Variants in POU6F2 observed in about 807,000 individuals in gnomAD.
POU6F2 encodes the protein POU domain, class 6, transcription factor 2.
A neutral mutation model predicts 71.3 loss-of-function variants in POU6F2; 31 were observed. The ratio of observed to expected loss-of-function variants is 0.43; its 90% CI spans 0.33 to 0.59. The LOEUF is 0.59. POU6F2 is among the 20% of genes least tolerant of loss of function. The probability of loss-of-function intolerance (pLI) is 0.04; values close to 1 mark genes in which losing one functional copy is unlikely to be tolerated. For missense variants in POU6F2, 783 were observed against 856.8 expected, an observed-to-expected ratio of 0.91 and a Z score of 1.07; for synonymous variants, 347 against 355.7, an observed-to-expected ratio of 0.98 and a Z score of 0.27.
intron 2 of POU6F2, among the ~76,000 whole-genome samples, chr7:39,160,751 AT>A (rs1322831490): frequency 6.6e-6 from 1 of 152,148 alleles, no homozygotes; most frequent in African/African-American, 2.4e-5. Flanking sequence ...TTATAATATT[AT>A]ATCTTGTATG....
chr7:39,459,748 C>T (rs1788900796), intron 8 of POU6F2, among the ~76,000 whole-genome samples: 1 of 152,128 alleles, frequency 6.6e-6, no homozygotes, highest in Admixed American at 6.5e-5. Context: ...ATGCTGTCTC[C>T]AGCTTGGTGT....
At chr7:39,442,069 A>G (rs1388729367) in intron 7 of POU6F2, among the ~76,000 whole-genome samples, 1 of 152,036 alleles carries the variant, frequency 6.6e-6, no homozygotes, top group African/African-American at 2.4e-5. Flanking sequence ...CACGAAAACA[A>G]ACCCATTCTT....
intron 1 of POU6F2, among the ~76,000 whole-genome samples, chr7:39,000,447 G>T (rs1370170785): frequency 6.6e-6 from 1 of 151,798 alleles, no homozygotes; most frequent in Non-Finnish European, 1.5e-5. Context: ...ATATCAGACT[G>T]CTCTCCACTG....
At chr7:39,141,348 T>C (rs537904448) in intron 2 of POU6F2, among the ~76,000 whole-genome samples, 2 of 152,250 alleles carry the variant, frequency 1.3e-5, no homozygotes, top group Admixed American at 6.5e-5. Flanking sequence ...TTGGGGGAAA[T>C]AGATTTTCCT....
At chr7:39,006,998 T>C in intron 1 of POU6F2, 1 of 881,226 alleles carries the variant, frequency 1.1e-6, no homozygotes, top group Non-Finnish European at 1.8e-6. Flanking sequence ...GAGATTCCCT[T>C]ATGCTCTGAT....
At chr7:39,419,107 ATATACGTATATATGTG>A (rs1246225152) in intron 6 of POU6F2, among the ~76,000 whole-genome samples, 1 of 73,522 alleles carries the variant, frequency 1.4e-5, no homozygotes, top group East Asian at 1.2e-3. Flanking sequence ...ATATACACAT[ATATACGTATATATGTG>A]TATATATACA....
chr7:39,236,002 T>C (rs1016133338), intron 4 of POU6F2, among the ~76,000 whole-genome samples: 1 of 152,240 alleles, frequency 6.6e-6, no homozygotes, highest in African/African-American at 2.4e-5. Flanking sequence ...GTCTGCATTT[T>C]CTGGAACGTC....
intron 4 of POU6F2, among the ~76,000 whole-genome samples, chr7:39,264,620 A>G (rs1784205726): frequency 6.6e-6 from 1 of 152,270 alleles, no homozygotes; most frequent in East Asian, 1.9e-4. Context: ...CTCCCCTCCT[A>G]TGGTGTAAGC....
At chr7:38,981,350 C>T (rs936041058) in intron 1 of POU6F2, among the ~76,000 whole-genome samples, 2 of 151,910 alleles carry the variant, frequency 1.3e-5, no homozygotes, top group African/African-American at 4.8e-5. Flanking sequence ...TGTTTTTTCT[C>T]ATCTCATACA....
intron 4 of POU6F2, among the ~76,000 whole-genome samples, chr7:39,308,836 T>G (rs1785099569): frequency 6.6e-6 from 1 of 152,150 alleles, no homozygotes. Context: ...TGCCCATCAC[T>G]AACTCACTTC....
At chr7:39,461,634 C>T (rs1258914762) in intron 9 of POU6F2, among the ~76,000 whole-genome samples, 1 of 152,140 alleles carries the variant, frequency 6.6e-6, no homozygotes, top group Non-Finnish European at 1.5e-5. Context: ...CGGAAGTGTA[C>T]TTTTCCTGCA....
chr7:39,365,189 C>T (rs905249480), intron 5 of POU6F2, among the ~76,000 whole-genome samples: 6 of 152,168 alleles, frequency 3.9e-5, no homozygotes, highest in African/African-American at 1.4e-4. Flanking sequence ...AAAACAGGCA[C>T]ATAGACCAAT....
intron 4 of POU6F2, among the ~76,000 whole-genome samples, chr7:39,266,307 G>T (rs1784239472): frequency 6.6e-6 from 1 of 152,216 alleles, no homozygotes; most frequent in Admixed American, 6.5e-5. Flanking sequence ...TGACCAGGAA[G>T]AAGGGTTCAG....
chr7:39,458,925 C>T (rs560131407), intron 8 of POU6F2, among the ~76,000 whole-genome samples: 1 of 152,240 alleles, frequency 6.6e-6, no homozygotes, highest in South Asian at 2.1e-4. Context: ...TTGGGAAGAC[C>T]TAGATGAATC....
At chr7:39,207,758 A>G in intron 4 of POU6F2, 138 bp downstream of exon 4, 2 of 764,644 alleles carry the variant, frequency 2.6e-6, no homozygotes, top group Non-Finnish European at 4.1e-6. Flanking sequence ...GAAGGCTTCC[A>G]CAGGAAGCAA....
chr7:39,316,539 A>T (rs527878661), intron 4 of POU6F2, among the ~76,000 whole-genome samples: 1 of 152,114 alleles, frequency 6.6e-6, no homozygotes, highest in Non-Finnish European at 1.5e-5. Context: ...CACCACCACA[A>T]TGTGGAGTCA....
Position 39,154,242 on chromosome 7 carries a change from G to A in POU6F2, c.278-49993G>A, listed in dbSNP as rs1584571439. Among the ~76,000 whole-genome samples, 3 of 152,016 alleles carry A rather than the reference G, an allele frequency of 2.0e-5. No individual in the cohort carries two copies. In the East Asian group the frequency reaches 5.8e-4, roughly 29 times the overall value. On this transcript the variant is annotated intron_variant, in intron 2 of 9. Coordinates refer to ENST00000518318, the MANE Select transcript of POU6F2 (RefSeq NM_001370959.1). The stretch of plus-strand genomic sequence containing the variant: ...TCTCCTTGGCCAAGTAGCTGTGCTG[G>A]GCATCTAAGACAGTAGCTGCAGCAT...
intron 2 of POU6F2, among the ~76,000 whole-genome samples, chr7:39,126,454 A>G (rs545274067): frequency 1.8e-4 from 27 of 152,228 alleles, no homozygotes; most frequent in Admixed American, 3.9e-4. Context: ...GGCCATGAGC[A>G]CTCCGTCATT....
At chr7:39,458,506 C>T (rs1788859011) in intron 8 of POU6F2, among the ~76,000 whole-genome samples, 1 of 152,016 alleles carries the variant, frequency 6.6e-6, no homozygotes, top group Admixed American at 6.6e-5. Flanking sequence ...CTGCGACTGC[C>T]GAAGTGAGCT....
Sources: allele counts gnomAD v4.1 joint callset (sites outside exome capture counted in the v4.1 genomes callset), GRCh38; gene constraint gnomAD v4.1.1; transcripts MANE v1.5; gene names NCBI Gene and HGNC (gene_info 2026-07-23, HGNC 2026-07-21).